The following LCLAT1 variants were observed in gnomAD, a reference collection of about 807,000 sequenced individuals.
LCLAT1 encodes the protein lysocardiolipin acyltransferase 1.
Under a neutral mutation model 30.7 loss-of-function variants are expected in LCLAT1, and 11 were observed. The observed-to-expected ratio is 0.36, with a 90% confidence interval of 0.23 to 0.59. The LOEUF is 0.59. LCLAT1 is among the 20% of genes least tolerant of loss of function. LCLAT1 has a pLI of 0.77. For synonymous variants in LCLAT1, 155 were observed against 151.3 expected, an observed-to-expected ratio of 1.02 and a Z score of -0.18; for missense variants, 402 against 458.6, an observed-to-expected ratio of 0.88 and a Z score of 1.13.
At position 30,641,192 on chromosome 2, in the gene LCLAT1, C is replaced by T. The variant is rs768096543; in HGVS notation, c.*573C>T. 2.0e-5 allele frequency: 3 copies of T among 152,430 alleles called. No individual in the cohort carries two copies. Among genetic ancestry groups the T allele is most frequent in the African/African-American group, 4.8e-5 (2 of 41,448 alleles). 9.4% of individuals were successfully genotyped at this position (152,430 alleles called of 1,614,324 possible). A position where few individuals can be genotyped will look rare whatever the true frequency, so the allele number is the denominator to read the frequency against. ...ACAGGAAGCCCTTCATTATTCATAACATTGTATGCTGACCAAGACGTCAGA... is the reference window on the plus strand; with the variant it reads ...ACAGGAAGCCCTTCATTATTCATAATATTGTATGCTGACCAAGACGTCAGA... On this transcript the variant is annotated 3_prime_UTR_variant, in exon 6 of 6. Transcript: ENST00000379509.
At position 30,461,770 on chromosome 2, in the gene LCLAT1, C is replaced by CT. The variant is rs1553354407; in HGVS notation, c.-5+14405dup. Among the ~76,000 whole-genome samples the CT allele has an allele frequency of 3.2e-3, 418 of 131,786 alleles. 4 individuals carry two copies. Among genetic ancestry groups the CT allele is most frequent in the Middle Eastern group, 0.012 (3 of 244 alleles). 86.5% of individuals were successfully genotyped at this position (131,786 alleles called of 152,430 possible). Reference sequence around the variant, plus strand: ...TGTGGACCACTTTTTCTAAATTAAACTTTTTTTTTTTTTTTTTTGAGACGG... The same window carrying CT: ...TGTGGACCACTTTTTCTAAATTAAACTTTTTTTTTTTTTTTTTTTGAGACGG... On this transcript the variant is annotated intron_variant, in intron 1 of 5. Coordinates refer to ENST00000379509, the MANE Select transcript of LCLAT1 (RefSeq NM_001002257.3).
chr2:30,558,152 CTG>C (rs764663440), intron 3 of LCLAT1, among the ~76,000 whole-genome samples: 18 of 151,972 alleles, frequency 1.2e-4, no homozygotes, highest in Non-Finnish European at 1.9e-4. Context: ...TATTTATATT[CTG>C]TATATGTGTA....
intron 5 of LCLAT1, among the ~76,000 whole-genome samples, chr2:30,623,578 G>GA (rs879663078): frequency 9.1e-4 from 135 of 148,174 alleles, no homozygotes; most frequent in Non-Finnish European, 1.5e-3. Context: ...AAGAATGGGG[G>GA]AAAAAAAAAA....
intron 1 of LCLAT1, among the ~76,000 whole-genome samples, chr2:30,470,386 C>G (rs1572488070): frequency 6.6e-6 from 1 of 152,152 alleles, no homozygotes; most frequent in African/African-American, 2.4e-5. Context: ...AATTCAGGCT[C>G]CTACTGTAAT....
chr2:30,603,287 A>G (rs1572684735), intron 5 of LCLAT1, among the ~76,000 whole-genome samples: 1 of 152,154 alleles, frequency 6.6e-6, no homozygotes, highest in South Asian at 2.1e-4. Context: ...AATTTTAAAA[A>G]AACCTAGCGT....
intron 1 of LCLAT1, among the ~76,000 whole-genome samples, chr2:30,485,014 C>T (rs1683495115): frequency 6.6e-6 from 1 of 152,082 alleles, no homozygotes; most frequent in Non-Finnish European, 1.5e-5. Flanking sequence ...TAAACCCTGA[C>T]TAATTAAATT....
chr2:30,617,565 T>C (rs1408225968), intron 5 of LCLAT1, among the ~76,000 whole-genome samples: 2 of 152,220 alleles, frequency 1.3e-5, no homozygotes. Flanking sequence ...TGTCATTCTC[T>C]GGTTTTCCAG....
chr2:30,474,268 G>A (rs942041459), intron 1 of LCLAT1, among the ~76,000 whole-genome samples: 7 of 152,298 alleles, frequency 4.6e-5, no homozygotes, highest in African/African-American at 1.4e-4. Context: ...GAATTTACAT[G>A]TCCCTCAGTT....
At chr2:30,563,986 A>G (rs1665360219) in intron 4 of LCLAT1, among the ~76,000 whole-genome samples, 1 of 152,152 alleles carries the variant, frequency 6.6e-6, no homozygotes, top group South Asian at 2.1e-4. Context: ...ACTGTGTAGT[A>G]TATTTTTGAT....
chr2:30,510,519 T>A (rs566796186), intron 1 of LCLAT1, among the ~76,000 whole-genome samples: 1 of 152,362 alleles, frequency 6.6e-6, no homozygotes, highest in Non-Finnish European at 1.5e-5. Context: ...GTTCTTTGTC[T>A]CCACTCTTCT....
chr2:30,492,654 A>G (rs1012489785), intron 1 of LCLAT1, among the ~76,000 whole-genome samples: 2 of 152,122 alleles, frequency 1.3e-5, no homozygotes, highest in African/African-American at 2.4e-5. Context: ...GACATCACTA[A>G]TAAGTTATGT....
At chr2:30,625,931 T>G (rs1668486052) in intron 5 of LCLAT1, among the ~76,000 whole-genome samples, 1 of 152,194 alleles carries the variant, frequency 6.6e-6, no homozygotes, top group African/African-American at 2.4e-5. Context: ...CTTACGATAC[T>G]TAAAAGTGAC....
chr2:30,558,243 C>T (rs1665024501), intron 3 of LCLAT1, among the ~76,000 whole-genome samples: 3 of 152,168 alleles, frequency 2.0e-5, no homozygotes, highest in South Asian at 2.1e-4. Context: ...TAAAAAAATA[C>T]ACAAAAGGTT....
Position 30,604,660 on chromosome 2 carries a change from CAAAAAAAAAAAAA to C in LCLAT1, c.629-35446_629-35434del, listed in dbSNP as rs71405526. 6.9e-3 allele frequency among the ~76,000 whole-genome samples: 658 copies of C among 95,928 alleles called. 5 individuals are homozygous for C. In the Middle Eastern group the frequency reaches 0.094, roughly 14 times the overall value. 62.9% of individuals were successfully genotyped at this position (95,928 alleles called of 152,430 possible). On this transcript the variant is annotated intron_variant, in intron 5 of 5. Coordinates refer to ENST00000379509, the MANE Select transcript of LCLAT1 (RefSeq NM_001002257.3). ...TTGGCGACAGAGTGAGACTCCGTCTCAAAAAAAAAAAAAAAAAAAAAAAGTAAACATCATTCGT... is the reference window on the plus strand; with the variant it reads ...TTGGCGACAGAGTGAGACTCCGTCTCAAAAAAAAAAGTAAACATCATTCGT...
At chr2:30,629,805 T>C (rs1228341617) in intron 5 of LCLAT1, among the ~76,000 whole-genome samples, 1 of 152,226 alleles carries the variant, frequency 6.6e-6, no homozygotes, top group African/African-American at 2.4e-5. Flanking sequence ...TGAAAACTTT[T>C]TTTAATGTGA....
intron 1 of LCLAT1, among the ~76,000 whole-genome samples, chr2:30,505,722 C>T (rs927146135): frequency 6.6e-6 from 1 of 151,940 alleles, no homozygotes; most frequent in Non-Finnish European, 1.5e-5. Flanking sequence ...AACCATTACT[C>T]GTACTTGTAA....
chr2:30,577,787 A>ATTCTTC (rs148353400), intron 5 of LCLAT1, among the ~76,000 whole-genome samples: 4 of 150,844 alleles, frequency 2.7e-5, no homozygotes, highest in South Asian at 2.1e-4. Flanking sequence ...TATTTGTGCT[A>ATTCTTC]TTCTTCTTCT....
chr2:30,480,769 C>T (rs950847820), intron 1 of LCLAT1, among the ~76,000 whole-genome samples: 12 of 152,166 alleles, frequency 7.9e-5, no homozygotes, highest in Admixed American at 3.9e-4. Flanking sequence ...GGGGAAAATT[C>T]GAGCTCTTTC....
At chr2:30,472,816 C>A (rs1415048554) in intron 1 of LCLAT1, among the ~76,000 whole-genome samples, 1 of 152,078 alleles carries the variant, frequency 6.6e-6, no homozygotes, top group Non-Finnish European at 1.5e-5. Flanking sequence ...ACAAGTCTTG[C>A]CAGTCCCTCC....
Sources: gnomAD v4.1 joint callset for allele counts (sites outside exome capture counted in the v4.1 genomes callset) on GRCh38, gnomAD v4.1.1 for gene constraint, MANE v1.5 for transcripts, NCBI Gene and HGNC (gene_info 2026-07-23, HGNC 2026-07-21) for gene names.